Variants in CR1L observed in about 807,000 individuals in gnomAD.
The protein encoded by CR1L is complement C3b/C4b receptor 1 like.
A neutral mutation model predicts 62.3 loss-of-function variants in CR1L; 59 were observed. That is an observed-to-expected ratio of 0.95 (90% CI 0.77 to 1.18). CR1L has a LOEUF of 1.18. CR1L is among the 50% of genes most tolerant of loss of function. CR1L has a pLI of 0.00. For synonymous variants in CR1L, 279 were observed against 248.7 expected (o/e 1.12, Z -1.15); for missense variants, 700 against 702.8 (o/e 1.00, Z 0.04).
At chr1:207,686,142 T>C (rs371126094) in intron 4 of CR1L, among the ~76,000 whole-genome samples, 14 of 45,662 alleles carry the variant, frequency 3.1e-4, no homozygotes, top group African/African-American at 5.3e-4. Flanking sequence ...CTCCCTTCCT[T>C]CCTTCCTTCC....
chr1:207,662,394 A>G (rs1398325038), intron 1 of CR1L, among the ~76,000 whole-genome samples: 1 of 151,918 alleles, frequency 6.6e-6, no homozygotes, highest in Non-Finnish European at 1.5e-5. Context: ...CATTTGATTC[A>G]TTTGATCTTC....
At chr1:207,669,291 G>T in intron 1 of CR1L, 2 of 562,780 alleles carry the variant, frequency 3.6e-6, no homozygotes, top group Non-Finnish European at 3.2e-6. Context: ...TGAAGGGGAA[G>T]CTGGTCAAAA....
chr1:207,723,546 C>G (rs1016456835), intron 11 of CR1L, 72 bp from the exon 12 acceptor site: 1 of 1,260,830 alleles, frequency 7.9e-7, no homozygotes, highest in Non-Finnish European at 1.1e-6. Context: ...TAAATTGTCA[C>G]TGGCTGAGAA....
intron 5 of CR1L, among the ~76,000 whole-genome samples, chr1:207,696,033 G>A (rs1424096555): frequency 6.6e-6 from 1 of 152,160 alleles, no homozygotes; most frequent in Non-Finnish European, 1.5e-5. Flanking sequence ...GATGTTAGAA[G>A]GGCAGGAAAA....
intron 1 of CR1L, among the ~76,000 whole-genome samples, chr1:207,662,252 G>A (rs1021457214): frequency 1.2e-4 from 19 of 152,146 alleles, no homozygotes; most frequent in African/African-American, 3.9e-4. Context: ...TTTCCAACTT[G>A]GTTCCATTCT....
At chr1:207,651,205 T>C (rs1380997340) in intron 1 of CR1L, among the ~76,000 whole-genome samples, 1 of 152,150 alleles carries the variant, frequency 6.6e-6, no homozygotes, top group Non-Finnish European at 1.5e-5. Flanking sequence ...TTAATATTAA[T>C]TATAATATAA....
chr1:207,712,568 C>T (rs1041987310), intron 10 of CR1L, among the ~76,000 whole-genome samples: 5 of 152,200 alleles, frequency 3.3e-5, no homozygotes, highest in African/African-American at 9.7e-5. Flanking sequence ...TGAGCATACC[C>T]TAAGCCATCA....
In CR1L at chr1:207,718,700, G is replaced by A. The variant is rs1453708881; in HGVS notation, c.1642+1009G>A. On this transcript the variant is annotated intron_variant, in intron 11 of 11. Coordinates refer to ENST00000508064, the MANE Select transcript of CR1L (RefSeq NM_175710.2). ...GACTTTCCAAAGGTGTGGGATTACAGGCATGAGCCTGGTGCTGACTTTTTT... is the reference window on the plus strand; with the variant it reads ...GACTTTCCAAAGGTGTGGGATTACAAGCATGAGCCTGGTGCTGACTTTTTT... 2.0e-5 allele frequency among the ~76,000 whole-genome samples: 3 copies of A among 152,214 alleles called. No individual in the cohort carries two copies. The East Asian group carries it at 5.8e-4, about 29-fold the overall frequency.
chr1:207,698,856 G>A (rs1664148920), intron 7 of CR1L, among the ~76,000 whole-genome samples: 1 of 152,146 alleles, frequency 6.6e-6, no homozygotes. Flanking sequence ...AGTTACGAAG[G>A]CATTGCATTA....
chr1:207,675,683 G>A (rs1039147062), intron 1 of CR1L, among the ~76,000 whole-genome samples: 1 of 152,128 alleles, frequency 6.6e-6, no homozygotes, highest in Admixed American at 6.5e-5. Context: ...GGAAGGTGTG[G>A]GAAGGAACAG....
chr1:207,694,933 C>A (rs1237367058), intron 5 of CR1L, among the ~76,000 whole-genome samples, 182 bp downstream of exon 5: 1 of 152,128 alleles, frequency 6.6e-6, no homozygotes, highest in Non-Finnish European at 1.5e-5. Flanking sequence ...AATGAAGAAG[C>A]AAAGCTAAAC....
At chr1:207,671,606 A>G (rs1278249939) in intron 1 of CR1L, among the ~76,000 whole-genome samples, 1 of 151,028 alleles carries the variant, frequency 6.6e-6, no homozygotes, top group African/African-American at 2.5e-5. Flanking sequence ...GGAAGAGTGA[A>G]TTGCATCATA....
chr1:207,706,009 G>GTATA (rs1375986857), intron 9 of CR1L, among the ~76,000 whole-genome samples: 4 of 58,952 alleles, frequency 6.8e-5, no homozygotes, highest in Non-Finnish European at 9.8e-5. Context: ...ATGTGTGTGT[G>GTATA]TATGTATATA....
chr1:207,662,032 C>T (rs923250558), intron 1 of CR1L, among the ~76,000 whole-genome samples: 4 of 152,174 alleles, frequency 2.6e-5, no homozygotes, highest in East Asian at 1.9e-4. Context: ...GTCTGATGGG[C>T]GTCCCTTTGT....
intron 1 of CR1L, among the ~76,000 whole-genome samples, chr1:207,650,903 A>T (rs2102438746): frequency 6.6e-6 from 1 of 152,028 alleles, no homozygotes; most frequent in Non-Finnish European, 1.5e-5. Context: ...CTTCTGCCTC[A>T]GCCTCCCGAG....
intron 7 of CR1L, among the ~76,000 whole-genome samples, chr1:207,698,739 G>A (rs759735071): frequency 3.9e-5 from 6 of 152,086 alleles, no homozygotes; most frequent in Non-Finnish European, 8.8e-5. Flanking sequence ...CCTTCTTCAC[G>A]CCATCACAGA....
At chr1:207,676,496 A>G (rs866574694) in intron 1 of CR1L, among the ~76,000 whole-genome samples, 1 of 152,148 alleles carries the variant, frequency 6.6e-6, no homozygotes, top group East Asian at 1.9e-4. Flanking sequence ...CATGTTCCCT[A>G]TGAGAATCTA....
intron 1 of CR1L, among the ~76,000 whole-genome samples, chr1:207,649,446 C>A (rs1302082160): frequency 6.6e-6 from 1 of 152,210 alleles, no homozygotes; most frequent in Non-Finnish European, 1.5e-5. Context: ...CCTTTTAGGG[C>A]AGCTTGAGCC....
chr1:207,688,979 A>C (rs900556336), intron 4 of CR1L, among the ~76,000 whole-genome samples: 2 of 152,102 alleles, frequency 1.3e-5, no homozygotes, highest in African/African-American at 2.4e-5. Flanking sequence ...AAAGTTTTTA[A>C]ATCTTTTCCT....
Sources: allele counts gnomAD v4.1 joint callset (sites outside exome capture counted in the v4.1 genomes callset), GRCh38; gene constraint gnomAD v4.1.1; transcripts MANE v1.5; gene names NCBI Gene and HGNC (gene_info 2026-07-23, HGNC 2026-07-21).